Variants in GPD2 observed in about 807,000 individuals in gnomAD.
The protein encoded by GPD2 is glycerol-3-phosphate dehydrogenase 2.
Under a neutral mutation model 82.4 loss-of-function variants are expected in GPD2, and 54 were observed. The ratio of observed to expected loss-of-function variants is 0.66; its 90% CI spans 0.53 to 0.82. The LOEUF is 0.82. Among genes scored for constraint, GPD2 ranks in the 40% least tolerant of loss-of-function variants. The pLI is 0.00. For missense variants in GPD2, 748 were observed against 896.2 expected, an observed-to-expected ratio of 0.83 and a Z score of 2.11; for synonymous variants, 288 against 306.1, an observed-to-expected ratio of 0.94 and a Z score of 0.62.
intron 8 of GPD2, among the ~76,000 whole-genome samples, chr2:156,552,786 A>G (rs1686808076): frequency 6.6e-6 from 1 of 152,138 alleles, no homozygotes; most frequent in Non-Finnish European, 1.5e-5. Flanking sequence ...GATTGTTCGC[A>G]GAATTAAAGT....
At chr2:156,405,113 G>A in the GPD2 span, among the ~76,000 whole-genome samples, 1 of 152,152 alleles carries the variant, frequency 6.6e-6, no homozygotes, top group Non-Finnish European at 1.5e-5. Context: ...GAGAGGTGAC[G>A]AGGTCCTGAA....
chr2:156,502,801 T>A (rs2105254993), intron 3 of GPD2, among the ~76,000 whole-genome samples: 1 of 152,298 alleles, frequency 6.6e-6, no homozygotes, highest in South Asian at 2.1e-4. Flanking sequence ...TATTTATTTG[T>A]TTTATTTCTT....
the GPD2 span, among the ~76,000 whole-genome samples, chr2:156,411,115 A>G: frequency 1.3e-5 from 2 of 152,314 alleles, no homozygotes; most frequent in African/African-American, 4.8e-5. Context: ...ATTACCATAA[A>G]CTAGAACACT....
intron 2 of GPD2, among the ~76,000 whole-genome samples, chr2:156,486,519 T>C (rs1216147435): frequency 6.6e-6 from 1 of 152,222 alleles, no homozygotes; most frequent in Non-Finnish European, 1.5e-5. Context: ...TTTTTAGGGA[T>C]GTTGTAGACG....
intron 2 of GPD2, among the ~76,000 whole-genome samples, chr2:156,479,925 T>C (rs1047230731): frequency 1.3e-5 from 2 of 152,164 alleles, no homozygotes; most frequent in Non-Finnish European, 2.9e-5. Context: ...GTCTTAGTAC[T>C]GCGATATAAG....
intron 5 of GPD2, 104 bp from the exon 6 acceptor site, chr2:156,513,229 G>T: frequency 1.1e-6 from 1 of 872,818 alleles, no homozygotes; most frequent in South Asian, 1.3e-5. Flanking sequence ...CCACTTCTAG[G>T]TATGCTTTGT....
the GPD2 span, among the ~76,000 whole-genome samples, chr2:156,401,146 T>TTGCA: frequency 6.6e-6 from 1 of 152,200 alleles, no homozygotes; most frequent in African/African-American, 2.4e-5. Flanking sequence ...AAGTCAAAAC[T>TTGCA]TGCATTGGCC....
Position 156,532,122 on chromosome 2 carries a change from C to T in GPD2, c.662-17486C>T, listed in dbSNP as rs200361667. Reference sequence around the variant, plus strand: ...AGTTTAAGCAAATCTCCTCAGCCTCCGACTAGCTAAGACTATCGTTGTGCA... The same window carrying T: ...AGTTTAAGCAAATCTCCTCAGCCTCTGACTAGCTAAGACTATCGTTGTGCA... On this transcript the variant is annotated intron_variant, in intron 6 of 16. Coordinates refer to ENST00000438166, the MANE Select transcript of GPD2 (RefSeq NM_000408.5). Among the ~76,000 whole-genome samples the T allele has an allele frequency of 2.2e-4, 33 of 152,188 alleles. No individual in the cohort carries two copies. In the South Asian group the frequency reaches 2.3e-3, roughly 11 times the overall value.
chr2:156,474,778 G>C (rs1455424303), intron 1 of GPD2, among the ~76,000 whole-genome samples: 3 of 152,128 alleles, frequency 2.0e-5, no homozygotes, highest in Non-Finnish European at 4.4e-5. Flanking sequence ...AAACAAGTGA[G>C]AGGAAAGAAA....
intron 2 of GPD2, among the ~76,000 whole-genome samples, chr2:156,489,715 CCTT>C (rs1684089957): frequency 1.6e-5 from 2 of 123,002 alleles, no homozygotes; most frequent in Admixed American, 8.3e-5. Flanking sequence ...TTCCTTCCTT[CCTT>C]CCTTCCTCCC....
intron 1 of GPD2, among the ~76,000 whole-genome samples, chr2:156,461,224 A>G (rs1340261078): frequency 2.9e-5 from 4 of 139,944 alleles, no homozygotes; most frequent in Non-Finnish European, 6.0e-5. Context: ...GGTGGAGTGC[A>G]GTGGTGGGAT....
At chr2:156,533,161 T>A (rs1462400864) in intron 6 of GPD2, among the ~76,000 whole-genome samples, 1 of 152,232 alleles carries the variant, frequency 6.6e-6, no homozygotes, top group Admixed American at 6.5e-5. Flanking sequence ...ATTGTTGTTT[T>A]CTTCCTGTCC....
At chr2:156,422,995 C>T in the GPD2 span, among the ~76,000 whole-genome samples, 4 of 152,124 alleles carry the variant, frequency 2.6e-5, no homozygotes, top group Non-Finnish European at 5.9e-5. Flanking sequence ...ATATTGATTG[C>T]TTTATATGCC....
chr2:156,408,098 G>A, the GPD2 span, among the ~76,000 whole-genome samples: 1 of 151,650 alleles, frequency 6.6e-6, no homozygotes, highest in Admixed American at 6.6e-5. Context: ...TGAGACTACA[G>A]GCATGCGCCA....
At position 156,447,399 on chromosome 2, in the gene GPD2, A is replaced by G. The variant is rs557181451; in HGVS notation, c.-9+10886A>G. 5.9e-5 allele frequency among the ~76,000 whole-genome samples: 9 copies of G among 152,030 alleles called. 1 individual carries two copies. In the East Asian group the frequency reaches 1.7e-3, roughly 29 times the overall value. On this transcript the variant is annotated intron_variant, in intron 1 of 16. Coordinates refer to ENST00000438166, the MANE Select transcript of GPD2 (RefSeq NM_000408.5). ...ACTCAGGCTGGATTGCAGTAGCACA[A>G]TCATAGTTCATGGCAGCCTTGAACT...
intron 3 of GPD2, among the ~76,000 whole-genome samples, 181 bp downstream of exon 3, chr2:156,496,396 C>T (rs879624607): frequency 6.6e-6 from 1 of 151,964 alleles, no homozygotes; most frequent in Non-Finnish European, 1.5e-5. Flanking sequence ...CCCTGCCCCA[C>T]CCCAAAGGCC....
At chr2:156,402,581 G>A in the GPD2 span, among the ~76,000 whole-genome samples, 2 of 152,150 alleles carry the variant, frequency 1.3e-5, no homozygotes. Flanking sequence ...GTGCTTCAGG[G>A]CCATTGGCTG....
intron 8 of GPD2, among the ~76,000 whole-genome samples, chr2:156,553,746 A>G (rs766253596): frequency 3.3e-5 from 5 of 152,164 alleles, no homozygotes; most frequent in African/African-American, 4.8e-5. Flanking sequence ...ATTGTTCTAT[A>G]TTATGCTTTA....
chr2:156,522,756 CTA>C (rs905415533), intron 6 of GPD2, among the ~76,000 whole-genome samples: 3 of 149,118 alleles, frequency 2.0e-5, no homozygotes, highest in African/African-American at 7.4e-5. Context: ...ATTATGATCT[CTA>C]TTTTACAGGA....
Sources: gnomAD v4.1 joint callset for allele counts (sites outside exome capture counted in the v4.1 genomes callset) on GRCh38, gnomAD v4.1.1 for gene constraint, MANE v1.5 for transcripts, NCBI Gene and HGNC (gene_info 2026-07-23, HGNC 2026-07-21) for gene names.